TNFRSF19: variants seen among roughly 807,000 people sequenced by gnomAD.
The protein encoded by TNFRSF19 is tumor necrosis factor receptor superfamily member 19.
In TNFRSF19, 27 loss-of-function variants were observed where a neutral mutation model predicts 46.4. That is an observed-to-expected ratio of 0.58 (90% confidence interval 0.43 to 0.80). The LOEUF is 0.80. TNFRSF19 is among the 30% of genes least tolerant of loss of function. The pLI, the probability that TNFRSF19 is intolerant of heterozygous loss-of-function variation, is 0.00. For missense variants in TNFRSF19, 511 were observed against 530.8 expected (o/e 0.96, Z 0.37); for synonymous variants, 204 against 205.0 (o/e 1.00, Z 0.04).
chr13:23,583,494 T>C (rs1878607362), intron 1 of TNFRSF19, among the ~76,000 whole-genome samples: 1 of 152,244 alleles, frequency 6.6e-6, no homozygotes, highest in Non-Finnish European at 1.5e-5. Flanking sequence ...AGTCCACATG[T>C]CACATAATAT....
At chr13:23,603,787 A>G (rs1015767151) in intron 3 of TNFRSF19, among the ~76,000 whole-genome samples, 1 of 151,994 alleles carries the variant, frequency 6.6e-6, no homozygotes, top group Non-Finnish European at 1.5e-5. Context: ...AAACAACAAC[A>G]ACAACAAAAA....
At chr13:23,581,340 G>T (rs928810719) in intron 1 of TNFRSF19, among the ~76,000 whole-genome samples, 1 of 151,940 alleles carries the variant, frequency 6.6e-6, no homozygotes, top group Non-Finnish European at 1.5e-5. Context: ...TAGAGACAGG[G>T]TTTCACCGTG....
intron 1 of TNFRSF19, among the ~76,000 whole-genome samples, chr13:23,573,754 TTTC>T (rs150784472): frequency 0.078 from 11,887 of 152,148 alleles, 679 homozygotes; most frequent in East Asian, 0.29. Context: ...TCTCTTTGCT[TTTC>T]TTCCTTGAAA....
At chr13:23,585,455 G>A (rs936426070) in intron 1 of TNFRSF19, 3 of 152,138 alleles carry the variant, frequency 2.0e-5, no homozygotes, top group African/African-American at 7.2e-5. Context: ...TTCCTCCTTA[G>A]TGATTCTTGT....
chr13:23,575,060 C>A (rs1368327496), intron 1 of TNFRSF19, among the ~76,000 whole-genome samples: 1 of 152,208 alleles, frequency 6.6e-6, no homozygotes, highest in Non-Finnish European at 1.5e-5. Flanking sequence ...TGTTAAATGC[C>A]CCCCATTCTT....
chr13:23,657,284 C>G (rs559758100), intron 5 of TNFRSF19, among the ~76,000 whole-genome samples: 7 of 152,256 alleles, frequency 4.6e-5, no homozygotes, highest in African/African-American at 1.4e-4. Context: ...GTAATATTAA[C>G]CCAAGTGTTT....
chr13:23,593,649 A>G (rs1879483730), intron 3 of TNFRSF19, among the ~76,000 whole-genome samples, 194 bp downstream of exon 3: 1 of 152,236 alleles, frequency 6.6e-6, no homozygotes, highest in Middle Eastern at 3.2e-3. Flanking sequence ...TGAGATAAAT[A>G]GGTTCTCAAA....
intron 5 of TNFRSF19, among the ~76,000 whole-genome samples, chr13:23,645,083 T>C (rs901112632): frequency 6.6e-6 from 1 of 152,228 alleles, no homozygotes. Context: ...CATTCAATAA[T>C]AAATTTGGAA....
chr13:23,597,741 A>AT (rs1253262419), intron 3 of TNFRSF19, among the ~76,000 whole-genome samples: 2 of 152,224 alleles, frequency 1.3e-5, no homozygotes, highest in African/African-American at 4.8e-5. Flanking sequence ...TCTCTAACTC[A>AT]TTTTATGAGG....
intron 4 of TNFRSF19, among the ~76,000 whole-genome samples, chr13:23,621,811 A>T (rs1881675537): frequency 6.6e-6 from 1 of 151,684 alleles, no homozygotes; most frequent in Non-Finnish European, 1.5e-5. Flanking sequence ...TTAGCTGGGC[A>T]TGGTGATACA....
chr13:23,650,317 C>G (rs534788557), intron 5 of TNFRSF19, among the ~76,000 whole-genome samples: 1 of 152,268 alleles, frequency 6.6e-6, no homozygotes, highest in African/African-American at 2.4e-5. Flanking sequence ...GCACTATTCA[C>G]AAGAGCCAAA....
At chr13:23,645,110 G>C (rs1301899403) in intron 5 of TNFRSF19, among the ~76,000 whole-genome samples, 1 of 152,180 alleles carries the variant, frequency 6.6e-6, no homozygotes, top group Non-Finnish European at 1.5e-5. Flanking sequence ...ACAATGGGCA[G>C]GGTCATTAAT....
In TNFRSF19 at chr13:23,620,285, A is replaced by T. The variant is rs75144847; in HGVS notation, c.359+4240A>T. ...TATTGCTCCCCAAAAAGCAATGCAG[A>T]AGTCAGGCAAAAGGCAGGCATTGCT... On this transcript the variant is annotated intron_variant, in intron 4 of 9. Transcript: ENST00000248484. Among the ~76,000 whole-genome samples the T allele has an allele frequency of 7.7e-3, 1,167 of 152,334 alleles. 10 individuals are homozygous for T. Among genetic ancestry groups the T allele is most frequent in the Non-Finnish European group, 0.014 (920 of 68,030 alleles).
chr13:23,586,257 C>CAAAAAAAAAA (rs34228080), intron 1 of TNFRSF19, among the ~76,000 whole-genome samples: 1 of 91,950 alleles, frequency 1.1e-5, no homozygotes, highest in African/African-American at 4.4e-5. Flanking sequence ...GACTCCGTCT[C>CAAAAAAAAAA]AAAAAAAAAA....
intron 5 of TNFRSF19, among the ~76,000 whole-genome samples, chr13:23,654,173 T>C (rs896777426): frequency 6.6e-6 from 1 of 152,298 alleles, no homozygotes; most frequent in East Asian, 1.9e-4. Flanking sequence ...GGAAGAAGGA[T>C]GTTTTGTTGA....
Position 23,668,761 on chromosome 13 carries a change from G to A in TNFRSF19, c.909G>A (p.Glu303=), listed in dbSNP as rs754026186. 1.1e-5 allele frequency: 17 copies of A among 1,614,140 alleles called. No individual in the cohort carries two copies. Among genetic ancestry groups the A allele is most frequent in the Non-Finnish European group, 1.4e-5 (16 of 1,180,062 alleles). The part of the protein sequence containing the change: ...FGSLTQSICG[E]FSDAWPLMQN... ...CCCTCACGCAGTCCATCTGTGGCGA[G>A]TTTTCAGATGCCTGGCCTCTGATGC... The change falls in exon 9 of 10, where the codon GAG becomes GAA. Residue 303 remains glutamate (E), a synonymous_variant. Transcript: ENST00000248484.
At chr13:23,646,977 A>T (rs1433901926) in intron 5 of TNFRSF19, among the ~76,000 whole-genome samples, 1 of 152,184 alleles carries the variant, frequency 6.6e-6, no homozygotes, top group Non-Finnish European at 1.5e-5. Context: ...AGTTGTAGCC[A>T]TCCTAATGGG....
At position 23,674,567 on chromosome 13, in the gene TNFRSF19, C is replaced by G. The variant is rs903851367; in HGVS notation, c.*1187C>G. 1.3e-5 allele frequency: 2 copies of G among 152,214 alleles called. No individual in the cohort carries two copies. Among genetic ancestry groups the G allele is most frequent in the South Asian group, 4.1e-4 (2 of 4,832 alleles). 9.4% of individuals were successfully genotyped at this position (152,214 alleles called of 1,614,324 possible). On this transcript the variant is annotated 3_prime_UTR_variant, in exon 10 of 10. Coordinates refer to ENST00000248484, the MANE Select transcript of TNFRSF19 (RefSeq NM_148957.4). The stretch of plus-strand genomic sequence containing the variant: ...ATTAAAGTGCTCCATCCCCTACCAT[C>G]TACACATTAGCATTGTCTCTAGAGC...
intron 3 of TNFRSF19, 25 bp from the exon 4 acceptor site, chr13:23,615,842 T>C: frequency 6.4e-7 from 1 of 1,557,310 alleles, no homozygotes; most frequent in Non-Finnish European, 8.7e-7. Context: ...CTGAATAGCT[T>C]TCTGTTACCC....
Sources: allele counts gnomAD v4.1 joint callset (sites outside exome capture counted in the v4.1 genomes callset), GRCh38; gene constraint gnomAD v4.1.1; transcripts MANE v1.5; gene names NCBI Gene and HGNC (gene_info 2026-07-23, HGNC 2026-07-21).